The following CNTN3 variants were observed in gnomAD, a reference collection of about 807,000 sequenced individuals.
CNTN3 encodes the protein contactin-3.
A neutral mutation model predicts 119.1 loss-of-function variants in CNTN3; 60 were observed. The ratio of observed to expected loss-of-function variants is 0.50; its 90% CI spans 0.41 to 0.62. CNTN3 has a LOEUF of 0.62. Among genes scored for constraint, CNTN3 ranks in the 20% least tolerant of loss-of-function variants. The pLI is 0.00. For synonymous variants in CNTN3, 450 were observed against 438.7 expected (o/e 1.03, Z -0.32); for missense variants, 1,101 against 1,242.4 (o/e 0.89, Z 1.71).
rs543101942 is a variant in CNTN3, at chr3:74,468,286, T to C, written c.358+18170A>G. Reference sequence around the variant, plus strand: ...TGCTATTGATATCTCAAGCAAAATCTTGAGTCTAGATGCTTCTTACGGCTG... The same window carrying C: ...TGCTATTGATATCTCAAGCAAAATCCTGAGTCTAGATGCTTCTTACGGCTG... On this transcript the variant is annotated intron_variant, in intron 4 of 22. Coordinates refer to ENST00000263665, the MANE Select transcript of CNTN3 (RefSeq NM_020872.3). Among the ~76,000 whole-genome samples, 138 of 152,294 alleles carry C rather than the reference T, an allele frequency of 9.1e-4. 1 individual carries two copies. The highest frequency in any genetic ancestry group is 2.7e-3 in the African/African-American group (111 of 41,560).
chr3:74,595,241 G>C (rs1704784976), intron 1 of CNTN3, among the ~76,000 whole-genome samples: 1 of 151,506 alleles, frequency 6.6e-6, no homozygotes, highest in Admixed American at 6.6e-5. Flanking sequence ...CATTTTGTAG[G>C]TTGCCTGTTC....
intron 12 of CNTN3, among the ~76,000 whole-genome samples, chr3:74,335,594 A>T (rs944347468): frequency 1.3e-5 from 2 of 152,142 alleles, no homozygotes; most frequent in Non-Finnish European, 2.9e-5. Flanking sequence ...GTTGTCTACA[A>T]TTATGCTAGT....
intron 5 of CNTN3, among the ~76,000 whole-genome samples, chr3:74,417,258 C>T (rs1305588844): frequency 6.6e-6 from 1 of 152,146 alleles, no homozygotes; most frequent in East Asian, 1.9e-4. Context: ...GACAGAATTC[C>T]TATCTATCTT....
At chr3:74,412,546 T>C (rs1701456841) in intron 5 of CNTN3, among the ~76,000 whole-genome samples, 1 of 152,164 alleles carries the variant, frequency 6.6e-6, no homozygotes, top group Admixed American at 6.6e-5. Flanking sequence ...TGACTGTCTC[T>C]CATATTTGTA....
chr3:74,468,002 C>A (rs147759244), intron 4 of CNTN3, among the ~76,000 whole-genome samples: 2,244 of 152,198 alleles, frequency 0.015, 31 homozygotes, highest in South Asian at 0.023. Flanking sequence ...CAAAAGAAAA[C>A]CCCCATGGAA....
rs1203704934 is a variant in CNTN3, at chr3:74,278,471, G to A, written c.2704+6834C>T. ...TAAACCCAAATACTTACAGCCAACT[G>A]ATCTCCAACAAAGGAAACAAAATCA... On this transcript the variant is annotated intron_variant, in intron 20 of 22. Transcript: ENST00000263665. Among the ~76,000 whole-genome samples, 3 of 152,198 alleles carry A rather than the reference G, an allele frequency of 2.0e-5. No individual in the cohort carries two copies. In the South Asian group the frequency reaches 6.2e-4, roughly 32 times the overall value.
At chr3:74,486,745 T>TA in intron 3 of CNTN3, 114 bp from the exon 4 acceptor site, 1 of 853,096 alleles carries the variant, frequency 1.2e-6, no homozygotes. Flanking sequence ...GTGATACATA[T>TA]ATTATTCAAG....
intron 5 of CNTN3, among the ~76,000 whole-genome samples, chr3:74,400,680 T>C (rs531311441): frequency 6.6e-6 from 1 of 152,302 alleles, no homozygotes; most frequent in South Asian, 2.1e-4. Context: ...GGGCTATTTA[T>C]GGATTAATAT....
chr3:74,499,213 TG>T (rs1422685839), intron 3 of CNTN3, among the ~76,000 whole-genome samples: 1 of 151,918 alleles, frequency 6.6e-6, no homozygotes, highest in African/African-American at 2.4e-5. Flanking sequence ...AAAATGACTT[TG>T]GTAAGAATAC....
intron 13 of CNTN3, among the ~76,000 whole-genome samples, chr3:74,327,178 G>T (rs1438387170): frequency 6.8e-6 from 1 of 147,794 alleles, no homozygotes; most frequent in Non-Finnish European, 1.5e-5. Context: ...GCCCAGGCTG[G>T]AGTGCAATGG....
At chr3:74,584,359 T>G (rs903863961) in intron 1 of CNTN3, among the ~76,000 whole-genome samples, 1 of 152,170 alleles carries the variant, frequency 6.6e-6, no homozygotes, top group Non-Finnish European at 1.5e-5. Context: ...AAATCTCATA[T>G]TAAGATTTTA....
chr3:74,347,774 C>T (rs1205391941), intron 11 of CNTN3, among the ~76,000 whole-genome samples: 1 of 152,092 alleles, frequency 6.6e-6, no homozygotes, highest in African/African-American at 2.4e-5. Context: ...ATTTCTCAAC[C>T]CTCTTGCCCC....
At chr3:74,266,776 G>C in intron 21 of CNTN3, 127 bp from the exon 22 acceptor site, 1 of 758,394 alleles carries the variant, frequency 1.3e-6, no homozygotes, top group Non-Finnish European at 2.1e-6. Flanking sequence ...TTTCATTCAT[G>C]ACTCTAATTG....
intron 17 of CNTN3, 119 bp downstream of exon 17, chr3:74,299,749 C>G: frequency 4.3e-6 from 3 of 697,902 alleles, no homozygotes; most frequent in Non-Finnish European, 7.1e-6. Context: ...GCAGCACCCA[C>G]CAGCCACACC....
chr3:74,321,084 G>A (rs1339130143), intron 13 of CNTN3, among the ~76,000 whole-genome samples: 1 of 151,868 alleles, frequency 6.6e-6, no homozygotes, highest in Admixed American at 6.6e-5. Context: ...CTAAACACTG[G>A]GTATACATGA....
chr3:74,367,093 A>G (rs1704214478), intron 8 of CNTN3, among the ~76,000 whole-genome samples: 1 of 151,940 alleles, frequency 6.6e-6, no homozygotes. Flanking sequence ...TTATTCCATC[A>G]TATGAGATGC....
At chr3:74,434,271 C>T (rs1701831166) in intron 4 of CNTN3, among the ~76,000 whole-genome samples, 1 of 152,148 alleles carries the variant, frequency 6.6e-6, no homozygotes, top group African/African-American at 2.4e-5. Flanking sequence ...AAGAGAGGAA[C>T]CTTAGCATCC....
intron 4 of CNTN3, among the ~76,000 whole-genome samples, chr3:74,465,586 C>G (rs1037047177): frequency 9.2e-5 from 14 of 152,120 alleles, no homozygotes; most frequent in African/African-American, 3.4e-4. Context: ...TTATATCTAT[C>G]CAGAAGTCAT....
chr3:74,429,174 T>C (rs914362836), intron 4 of CNTN3, among the ~76,000 whole-genome samples: 6 of 152,156 alleles, frequency 3.9e-5, no homozygotes, highest in Non-Finnish European at 7.4e-5. Context: ...TCTTTTTTTT[T>C]TGTAGATAAA....
Sources: gnomAD v4.1 joint callset for allele counts (sites outside exome capture counted in the v4.1 genomes callset) on GRCh38, gnomAD v4.1.1 for gene constraint, MANE v1.5 for transcripts, NCBI Gene and HGNC (gene_info 2026-07-23, HGNC 2026-07-21) for gene names.